PPARGC1A: variants seen among roughly 807,000 people sequenced by gnomAD.
The protein encoded by PPARGC1A is peroxisome proliferator-activated receptor gamma coactivator 1-alpha.
Under a neutral mutation model 88.7 loss-of-function variants are expected in PPARGC1A, and 25 were observed. The observed-to-expected ratio is 0.28, with a 90% CI of 0.21 to 0.39. PPARGC1A has a LOEUF of 0.39. Ranked by LOEUF, PPARGC1A falls within the 10% of genes least tolerant of loss-of-function variation. The pLI is 1.00. For synonymous variants in PPARGC1A, 363 were observed against 355.6 expected, an observed-to-expected ratio of 1.02 and a Z score of -0.24; for missense variants, 880 against 968.7, an observed-to-expected ratio of 0.91 and a Z score of 1.22.
chr4:24,328,592 A>T, the PPARGC1A span, among the ~76,000 whole-genome samples: 2 of 152,218 alleles, frequency 1.3e-5, no homozygotes, highest in East Asian at 3.8e-4. Context: ...AAAGGGGTTT[A>T]CCTAACTAAC....
intron 2 of PPARGC1A, among the ~76,000 whole-genome samples, chr4:23,844,419 A>AATATATTAT (rs1212243848): frequency 1.8e-5 from 2 of 113,428 alleles, no homozygotes; most frequent in Admixed American, 1.0e-4. Flanking sequence ...AATAATATAT[A>AATATATTAT]ATATATTATA....
chr4:23,813,795 T>C lies in PPARGC1A; in HGVS notation c.1688A>G (p.Gln563Arg), dbSNP rs747527654. Reference protein sequence around the residue: ...PPKSLFSQRPQRMRSRSRSFS... With the variant: ...PPKSLFSQRPRRMRSRSRSFS... The stretch of plus-strand genomic sequence containing the variant: ...GGACCTTGAACGAGAGCGCATCCTT[T>C]GGGGTCTTTGAGAAAATAAGGATTT... The change falls in exon 8 of 13, where the codon CAA becomes CGA. Residue 563 changes from glutamine to arginine, a missense_variant. Transcript: ENST00000264867. 3.1e-6 allele frequency: 5 copies of C among 1,613,466 alleles called. No homozygotes were observed. Among genetic ancestry groups the C allele is most frequent in the Non-Finnish European group, 4.2e-6 (5 of 1,179,468 alleles).
rs1294282980 is a variant in PPARGC1A at position 23,844,493 on chromosome 4, TA to T, written c.235-12743del. On this transcript the variant is annotated intron_variant, in intron 2 of 12. Coordinates refer to ENST00000264867, the MANE Select transcript of PPARGC1A (RefSeq NM_013261.5). Reference sequence around the variant, plus strand: ...CTATATTAATATATTATAATAATCATAATATATAATATAATAATATAATAAT... The same window carrying T: ...CTATATTAATATATTATAATAATCATATATATAATATAATAATATAATAAT... Among the ~76,000 whole-genome samples the T allele has an allele frequency of 1.5e-3, 85 of 57,090 alleles. 1 individual carries two copies. The highest frequency in any genetic ancestry group is 8.7e-3 in the Admixed American group (29 of 3,344). 37.5% of individuals were successfully genotyped at this position (57,090 alleles called of 152,430 possible).
At chr4:23,844,517 A>AT (rs1727727053) in intron 2 of PPARGC1A, among the ~76,000 whole-genome samples, 2 of 116,216 alleles carry the variant, frequency 1.7e-5, no homozygotes, top group South Asian at 2.4e-4. Flanking sequence ...ATAATATAAT[A>AT]ATCACATAAT....
the PPARGC1A span, among the ~76,000 whole-genome samples, chr4:24,075,221 T>A: frequency 6.6e-6 from 1 of 152,168 alleles, no homozygotes; most frequent in South Asian, 2.1e-4. Flanking sequence ...ACAACGAAGT[T>A]GCCACATGGG....
chr4:23,970,287 G>A, the PPARGC1A span, among the ~76,000 whole-genome samples: 4 of 152,208 alleles, frequency 2.6e-5, no homozygotes, highest in Non-Finnish European at 5.9e-5. Flanking sequence ...TTGGCCTGCT[G>A]CTGCAAAGGG....
chr4:24,298,232 A>T, the PPARGC1A span, among the ~76,000 whole-genome samples: 51 of 152,222 alleles, frequency 3.4e-4, no homozygotes, highest in African/African-American at 1.2e-3. Flanking sequence ...GCTTAGACAG[A>T]CAAAAACATC....
At chr4:24,162,451 G>A in the PPARGC1A span, among the ~76,000 whole-genome samples, 2 of 152,074 alleles carry the variant, frequency 1.3e-5, no homozygotes, top group African/African-American at 2.4e-5. Context: ...TCCCACAGTG[G>A]GCCTTGGACA....
chr4:24,087,982 T>C, the PPARGC1A span, among the ~76,000 whole-genome samples: 9 of 152,240 alleles, frequency 5.9e-5, no homozygotes, highest in South Asian at 1.9e-3. Flanking sequence ...TCGGGGAAGT[T>C]TTCAAAGAGC....
the PPARGC1A span, among the ~76,000 whole-genome samples, chr4:24,356,255 G>A: frequency 2.0e-5 from 3 of 151,870 alleles, no homozygotes; most frequent in East Asian, 3.9e-4. Flanking sequence ...CCAAGCATGT[G>A]TGAATTGCAC....
chr4:24,042,159 T>G, the PPARGC1A span, among the ~76,000 whole-genome samples: 4 of 152,204 alleles, frequency 2.6e-5, no homozygotes, highest in Non-Finnish European at 4.4e-5. Flanking sequence ...AGAGATTTCT[T>G]AAAGTTCTAC....
At chr4:24,393,603 T>C in the PPARGC1A span, among the ~76,000 whole-genome samples, 1 of 152,080 alleles carries the variant, frequency 6.6e-6, no homozygotes, top group East Asian at 1.9e-4. Context: ...TATTAGTGAG[T>C]AGGGAAAAGG....
chr4:24,382,805 C>G, the PPARGC1A span, among the ~76,000 whole-genome samples: 2 of 152,162 alleles, frequency 1.3e-5, no homozygotes, highest in African/African-American at 4.8e-5. Context: ...TGGTTGTGGA[C>G]GCAGCTTCGG....
At chr4:24,451,558 T>G in the PPARGC1A span, among the ~76,000 whole-genome samples, 3 of 152,134 alleles carry the variant, frequency 2.0e-5, no homozygotes, top group African/African-American at 4.8e-5. Context: ...TGGGTTTTTT[T>G]GGGTTGTCTT....
chr4:24,101,644 A>G, the PPARGC1A span, among the ~76,000 whole-genome samples: 3 of 152,232 alleles, frequency 2.0e-5, no homozygotes, highest in African/African-American at 7.2e-5. Flanking sequence ...TTATAAACAG[A>G]CCAAACTGGA....
chr4:23,813,737 T>C lies in PPARGC1A; in HGVS notation c.1746A>G (p.Pro582=), dbSNP rs963970512. 64 of 1,612,718 alleles carry C rather than the reference T, an allele frequency of 4.0e-5. No homozygotes were observed. The highest frequency in any genetic ancestry group is 5.3e-5 in the Non-Finnish European group (62 of 1,179,022). ...GAGACCTTGATCTTGACCTGGAATA[T>C]GGTGATCGGGAACACGACCTGTGTC... ...FSRHRSCSRS[P]YSRSRSRSPG... The change falls in exon 8 of 13, where the codon CCA becomes CCG. Residue 582 remains proline (P), a synonymous_variant. Coordinates refer to ENST00000264867, the MANE Select transcript of PPARGC1A (RefSeq NM_013261.5).
the PPARGC1A span, among the ~76,000 whole-genome samples, chr4:24,291,668 G>A: frequency 2.0e-5 from 3 of 152,162 alleles, no homozygotes; most frequent in Non-Finnish European, 2.9e-5. Flanking sequence ...TGCTGATCCC[G>A]AAGCCCGTGC....
chr4:24,091,478 G>A, the PPARGC1A span: 1 of 985,406 alleles, frequency 1.0e-6, no homozygotes, highest in Non-Finnish European at 1.2e-6. Flanking sequence ...CTGCCAGCCT[G>A]CTTCTCGCTG....
chr4:24,080,975 G>C, the PPARGC1A span, among the ~76,000 whole-genome samples: 1 of 152,062 alleles, frequency 6.6e-6, no homozygotes, highest in Non-Finnish European at 1.5e-5. Context: ...GCGCTGAGAA[G>C]ATGGGAGAGA....
Sources: gnomAD v4.1 joint callset for allele counts (sites outside exome capture counted in the v4.1 genomes callset) on GRCh38, gnomAD v4.1.1 for gene constraint, MANE v1.5 for transcripts, NCBI Gene and HGNC (gene_info 2026-07-23, HGNC 2026-07-21) for gene names.